The following TP73 variants were observed in gnomAD, a reference collection of about 807,000 sequenced individuals.
TP73 encodes the protein tumor protein p73.
TP73 carries 25 observed loss-of-function variants against 62.5 expected under a neutral mutation model. The ratio of observed to expected loss-of-function variants is 0.40; its 90% CI spans 0.29 to 0.56. The LOEUF (loss-of-function observed/expected upper bound fraction) is 0.56. TP73 is among the 20% of genes least tolerant of loss of function. TP73 has a pLI of 0.46. For synonymous variants in TP73, 423 were observed against 377.5 expected (o/e 1.12, Z -1.40); for missense variants, 754 against 913.3 (o/e 0.83, Z 2.25).
Position 3,733,711 on chromosome 1 carries a change from G to T in TP73, c.*632G>T, listed in dbSNP as rs1570665420. ...CTTCCTGCCCCTAACAACAACCACA[G>T]TGTTGCTGAAATTGGAGAAAACTGG... On this transcript the variant is annotated 3_prime_UTR_variant, in exon 14 of 14. Transcript: ENST00000378295. 2.0e-5 allele frequency: 3 copies of T among 153,272 alleles called. No individual in the cohort carries two copies. The highest frequency in any genetic ancestry group is 1.3e-4 in the Admixed American group (2 of 15,302). The allele number at this position is 153,272 out of a possible 1,614,324, so 9.5% of individuals were successfully genotyped here.
In TP73 at chr1:3,707,362, A is replaced by T. The variant is rs533127754; in HGVS notation, c.187-187A>T. ...CGGGAGGCTGATGGAGGGGAGGGCG[A>T]GGTGAATATGTCAGTTTATCCCAAT... On this transcript the variant is annotated intron_variant, in intron 3 of 13. Transcript: ENST00000378295. Among the ~76,000 whole-genome samples the T allele has an allele frequency of 5.3e-5, 8 of 152,168 alleles. No individual in the cohort carries two copies. In the South Asian group the frequency reaches 1.5e-3, roughly 28 times the overall value.
chr1:3,701,296 C>T lies in TP73; in HGVS notation c.187-6253C>T, dbSNP rs1269584573. 1.3e-5 allele frequency among the ~76,000 whole-genome samples: 2 copies of T among 152,228 alleles called. No individual in the cohort carries two copies. Among genetic ancestry groups the T allele is most frequent in the African/African-American group, 2.4e-5 (1 of 41,542 alleles). On this transcript the variant is annotated intron_variant, in intron 3 of 13. Coordinates refer to ENST00000378295, the MANE Select transcript of TP73 (RefSeq NM_005427.4). The surrounding 1 kb of genome is among the most constrained non-coding windows in gnomAD (Gnocchi z 4.7). ...GCGTAGTGAATCTGGATTCCCGTCC[C>T]TGTTCCTCGGCGGAGCCTGCCCAGC...
intron 1 of TP73, among the ~76,000 whole-genome samples, chr1:3,654,458 G>T (rs990840304): frequency 3.9e-5 from 6 of 152,228 alleles, no homozygotes; most frequent in African/African-American, 1.4e-4. Flanking sequence ...TCAGAATGCT[G>T]GGGTTCAAAT....
chr1:3,686,216 C>G lies in TP73; in HGVS notation c.186+3036C>G, dbSNP rs545677718. Among the ~76,000 whole-genome samples the G allele has an allele frequency of 3.0e-3, 458 of 152,362 alleles. 3 individuals are homozygous for G. Among genetic ancestry groups the G allele is most frequent in the Non-Finnish European group, 4.7e-3 (322 of 68,036 alleles). ...AGTGCTTGAGCGCAGGACACTGGTC[C>G]TCTGCAGTGGGGCGTGCCTTCCGCA... On this transcript the variant is annotated intron_variant, in intron 3 of 13. Transcript: ENST00000378295.
chr1:3,684,276 G>A (rs1031554747), intron 3 of TP73, among the ~76,000 whole-genome samples: 26 of 152,268 alleles, frequency 1.7e-4, no homozygotes, highest in African/African-American at 5.8e-4. Flanking sequence ...TTTGCGCTGC[G>A]GAAAACCAGC....
intron 10 of TP73, 123 bp from the exon 11 acceptor site, chr1:3,729,877 G>A (rs950481635): frequency 7.4e-7 from 1 of 1,355,650 alleles, no homozygotes; most frequent in Non-Finnish European, 9.9e-7. Flanking sequence ...GGGGGAGGAT[G>A]AAGCCACTCT....
chr1:3,667,636 G>A (rs1645149845), intron 1 of TP73, among the ~76,000 whole-genome samples: 1 of 151,836 alleles, frequency 6.6e-6, no homozygotes, highest in African/African-American at 2.4e-5. Context: ...TGTAGTCCCA[G>A]CTATTCAGGA....
In TP73 at chr1:3,663,602, G is replaced by C. The variant is rs1265057879; in HGVS notation, c.-34+10961G>C. On this transcript the variant is annotated intron_variant, in intron 1 of 13. Coordinates refer to ENST00000378295, the MANE Select transcript of TP73 (RefSeq NM_005427.4). The surrounding 1 kb of genome is among the most constrained non-coding windows in gnomAD (Gnocchi z 4.7). ...GTGGTGGCGGGCGCCTGTAGTCCCA[G>C]CTACTCGGGAGGCTGAGGCAGGAGA... Among the ~76,000 whole-genome samples, 2 of 151,884 alleles carry C rather than the reference G, an allele frequency of 1.3e-5. No homozygotes were observed. Among genetic ancestry groups the C allele is most frequent in the African/African-American group, 2.4e-5 (1 of 41,354 alleles).
chr1:3,696,957 C>T lies in TP73; in HGVS notation c.187-10592C>T, dbSNP rs1192907230. 1.3e-5 allele frequency among the ~76,000 whole-genome samples: 2 copies of T among 152,206 alleles called. No homozygotes were observed. The highest frequency in any genetic ancestry group is 2.9e-5 in the Non-Finnish European group (2 of 68,038). On this transcript the variant is annotated intron_variant, in intron 3 of 13. Coordinates refer to ENST00000378295, the MANE Select transcript of TP73 (RefSeq NM_005427.4). The surrounding 1 kb of genome is among the most constrained non-coding windows in gnomAD (Gnocchi z 4.1). ...GTTCTGTCCCCCATTGGACCTCCCCCCAGTCACCAGCCTAATAGGACCTCA... is the reference window on the plus strand; with the variant it reads ...GTTCTGTCCCCCATTGGACCTCCCCTCAGTCACCAGCCTAATAGGACCTCA...
At position 3,733,270 on chromosome 1, in the gene TP73, C is replaced by G. The variant is rs571983532; in HGVS notation, c.*191C>G. 1 of 676,324 alleles carries G rather than the reference C, an allele frequency of 1.5e-6. No individual in the cohort carries two copies. Among genetic ancestry groups the G allele is most frequent in the East Asian group, 2.8e-5 (1 of 36,356 alleles). 41.9% of individuals were successfully genotyped at this position (676,324 alleles called of 1,614,324 possible). The stretch of plus-strand genomic sequence containing the variant: ...CCCAGCCACCGAAGCCGCCTGTGGA[C>G]AGCCTGAGTCACCTGCAGAACCTTC... On this transcript the variant is annotated 3_prime_UTR_variant, in exon 14 of 14. Coordinates refer to ENST00000378295, the MANE Select transcript of TP73 (RefSeq NM_005427.4).
intron 1 of TP73, chr1:3,658,830 A>C (rs990101050): frequency 3.1e-5 from 3 of 95,310 alleles, no homozygotes; most frequent in Admixed American, 1.0e-4. Flanking sequence ...CTACAGTCAT[A>C]TTTTGGGGTG....
At chr1:3,719,828 G>A (rs1640909320) in intron 4 of TP73, among the ~76,000 whole-genome samples, 1 of 152,200 alleles carries the variant, frequency 6.6e-6, no homozygotes, top group Non-Finnish European at 1.5e-5. Context: ...TCCAGGGCAG[G>A]CGCCCGCACA....
At chr1:3,682,494 C>T (rs925433551) in intron 2 of TP73, 64 bp downstream of exon 2, 6 of 1,374,636 alleles carry the variant, frequency 4.4e-6, no homozygotes, top group Non-Finnish European at 5.8e-6. Context: ...CTAGCCTCAG[C>T]CACCTTCGCT....
Position 3,701,683 on chromosome 1 carries a change from A to C in TP73, c.187-5866A>C, listed in dbSNP as rs982538197. 1.3e-5 allele frequency among the ~76,000 whole-genome samples: 2 copies of C among 151,398 alleles called. No homozygotes were observed. The highest frequency in any genetic ancestry group is 6.6e-5 in the Admixed American group (1 of 15,236). On this transcript the variant is annotated intron_variant, in intron 3 of 13. Transcript: ENST00000378295. The surrounding 1 kb of genome is among the most constrained non-coding windows in gnomAD (Gnocchi z 4.7). ...CCACGCCCAGCTAATTTTTTTTTGTAGTTTTAGTAGAGACGGGGTTTCACC... is the reference window on the plus strand; with the variant it reads ...CCACGCCCAGCTAATTTTTTTTTGTCGTTTTAGTAGAGACGGGGTTTCACC...
At chr1:3,690,594 C>T in intron 3 of TP73, 1 of 1,258,170 alleles carries the variant, frequency 7.9e-7, no homozygotes, top group Non-Finnish European at 1.0e-6. Context: ...CAACACATCA[C>T]CGGGCAAGCT....
intron 4 of TP73, among the ~76,000 whole-genome samples, chr1:3,708,794 G>A (rs1047442406): frequency 7.2e-5 from 11 of 152,224 alleles, no homozygotes; most frequent in African/African-American, 2.6e-4. Flanking sequence ...AGCCCTGCCT[G>A]GGCACCCAGG....
intron 1 of TP73, among the ~76,000 whole-genome samples, chr1:3,653,293 C>T (rs1045741140): frequency 6.6e-6 from 1 of 152,212 alleles, no homozygotes; most frequent in African/African-American, 2.4e-5. Flanking sequence ...AGAGAAAGCC[C>T]GTGAAGAAAT....
At chr1:3,697,125 G>A (rs1047297119) in intron 3 of TP73, among the ~76,000 whole-genome samples, 1 of 152,200 alleles carries the variant, frequency 6.6e-6, no homozygotes, top group African/African-American at 2.4e-5. Flanking sequence ...AATCCTGCCT[G>A]CAAATGTGCC....
chr1:3,731,602 G>C, intron 13 of TP73, 46 bp downstream of exon 13: 1 of 1,577,202 alleles, frequency 6.3e-7, no homozygotes, highest in South Asian at 1.1e-5. Context: ...TAGCTGGAGG[G>C]GCCCCTGTCC....
Sources: allele counts gnomAD v4.1 joint callset (sites outside exome capture counted in the v4.1 genomes callset), GRCh38; gene constraint gnomAD v4.1.1; non-coding constraint Gnocchi (gnomAD v3.1); transcripts MANE v1.5; gene names NCBI Gene and HGNC (gene_info 2026-07-23, HGNC 2026-07-21).